Variants in PLEKHA1 observed in about 807,000 individuals in gnomAD.
PLEKHA1 encodes pleckstrin homology domain containing A1.
Under a neutral mutation model 52.0 loss-of-function variants are expected in PLEKHA1, and 34 were observed. That is an observed-to-expected ratio of 0.65 (90% confidence interval 0.50 to 0.87). The LOEUF (loss-of-function observed/expected upper bound fraction) is 0.87, where lower values mean the gene tolerates loss of function less well. Ranked by LOEUF, PLEKHA1 falls within the 40% of genes least tolerant of loss-of-function variation. The probability of loss-of-function intolerance (pLI) is 0.00; values close to 1 mark genes in which losing one functional copy is unlikely to be tolerated. For synonymous variants in PLEKHA1, 163 were observed against 170.7 expected (o/e 0.95, Z 0.35); for missense variants, 497 against 504.2 (o/e 0.99, Z 0.14).
In PLEKHA1 at chr10:122,424,936, A is replaced by T; in HGVS notation, c.787A>T (p.Thr263Ser). 6.2e-7 allele frequency: 1 copy of T among 1,610,414 alleles called. No homozygotes were observed. Among genetic ancestry groups the T allele is most frequent in the South Asian group, 1.1e-5 (1 of 90,358 alleles). ...GGACAACCTCTTTGAAATTGTAACA[A>T]CGTCTCGAACTTTCTATGTGCAGGT... is the stretch of plus-strand genomic sequence containing the variant. ...MRDNLFEIVT[T>S]SRTFYVQADS... The change falls in exon 10 of 12, where the codon ACG becomes TCG. Residue 263 changes from threonine (T) to serine (S), a missense_variant. By Grantham distance (58) the Thr-to-Ser change is moderately conservative (BLOSUM62 1). Transcript: ENST00000368990.
intron 5 of PLEKHA1, among the ~76,000 whole-genome samples, chr10:122,408,575 G>C (rs1191853300): frequency 6.6e-6 from 1 of 152,048 alleles, no homozygotes; most frequent in African/African-American, 2.4e-5. Context: ...TAATAAAGTG[G>C]TTATAACTGC....
intron 11 of PLEKHA1, 71 bp from the exon 12 acceptor site, chr10:122,429,553 C>G: frequency 7.5e-7 from 1 of 1,328,110 alleles, no homozygotes; most frequent in Non-Finnish European, 1.0e-6. Flanking sequence ...TTCAGAGAAT[C>G]AAGTCTCACA....
At chr10:122,412,320 T>G (rs2097116796) in intron 5 of PLEKHA1, 1 of 152,248 alleles carries the variant, frequency 6.6e-6, no homozygotes, top group Admixed American at 6.5e-5. Context: ...TTTGCTATTC[T>G]TTTTTCTGCT....
At chr10:122,399,644 G>A (rs1328361773) in intron 3 of PLEKHA1, among the ~76,000 whole-genome samples, 1 of 151,922 alleles carries the variant, frequency 6.6e-6, no homozygotes, top group East Asian at 1.9e-4. Context: ...GTGCAGTGGC[G>A]CGATCTCGGC....
At chr10:122,415,484 C>T (rs2097161085) in intron 6 of PLEKHA1, among the ~76,000 whole-genome samples, 2 of 152,188 alleles carry the variant, frequency 1.3e-5, no homozygotes, top group Admixed American at 1.3e-4. Flanking sequence ...GTGCCAATGT[C>T]CATTTCTTGT....
chr10:122,378,971 A>G (rs1172247733), intron 1 of PLEKHA1, among the ~76,000 whole-genome samples: 6 of 152,134 alleles, frequency 3.9e-5, no homozygotes, highest in Admixed American at 2.6e-4. Context: ...TGTCAAGAAG[A>G]GAAGTAGAAA....
chr10:122,413,379 T>G (rs1457376979), intron 6 of PLEKHA1, among the ~76,000 whole-genome samples: 1 of 152,084 alleles, frequency 6.6e-6, no homozygotes, highest in Non-Finnish European at 1.5e-5. Flanking sequence ...TTTTAATGAG[T>G]GCATAGTAGT....
intron 4 of PLEKHA1, among the ~76,000 whole-genome samples, chr10:122,401,122 C>T (rs1394191413): frequency 2.0e-5 from 3 of 152,116 alleles, no homozygotes; most frequent in Non-Finnish European, 4.4e-5. Flanking sequence ...GGACTACATG[C>T]AGAGGCTTGT....
At chr10:122,406,899 A>C (rs1275297456) in intron 5 of PLEKHA1, among the ~76,000 whole-genome samples, 2 of 152,220 alleles carry the variant, frequency 1.3e-5, no homozygotes, top group Non-Finnish European at 2.9e-5. Flanking sequence ...ATAAGGAGAT[A>C]TATTACTGCA....
At chr10:122,387,306 AC>A (rs1441236400) in intron 1 of PLEKHA1, 1 of 152,106 alleles carries the variant, frequency 6.6e-6, no homozygotes, top group East Asian at 1.9e-4. Context: ...TTTCAAAATC[AC>A]CTTTAGCTGC....
chr10:122,416,083 C>A, intron 7 of PLEKHA1, 81 bp downstream of exon 7: 1 of 1,438,180 alleles, frequency 7.0e-7, no homozygotes, highest in East Asian at 2.4e-5. Context: ...AAATTGTTTG[C>A]TTTATTTTAT....
At chr10:122,408,699 A>T (rs1373242542) in intron 5 of PLEKHA1, among the ~76,000 whole-genome samples, 6 of 152,138 alleles carry the variant, frequency 3.9e-5, no homozygotes, top group Admixed American at 1.3e-4. Context: ...AAGATGCTTT[A>T]TGTTAATTTT....
chr10:122,413,039 C>T lies in PLEKHA1; in HGVS notation c.462C>T (p.Pro154=), dbSNP rs367746872. The T allele has an allele frequency of 6.2e-6, 10 of 1,611,544 alleles. No homozygotes were observed. Among genetic ancestry groups the T allele is most frequent in the Non-Finnish European group, 8.5e-6 (10 of 1,178,478 alleles). ...DIVGGVPIIT[P]TQKEEVNECG... is the part of the protein sequence containing the mutation. The stretch of plus-strand genomic sequence containing the variant: ...TTGGTGGCGTACCCATCATTACTCC[C>T]ACTCAGGTAATTAAGTAACTCTTCT... Residue 154 remains proline (P), a synonymous_variant, in exon 6 of 12, where the codon CCC becomes CCT. Coordinates refer to ENST00000368990, the MANE Select transcript of PLEKHA1 (RefSeq NM_001001974.4).
chr10:122,397,951 A>T lies in PLEKHA1; in HGVS notation c.175A>T (p.Ile59Phe). The change falls in exon 3 of 12, where the codon ATT becomes TTT. Residue 59 changes from isoleucine to phenylalanine, a missense_variant. Physicochemically the swap from Ile to Phe is conservative, Grantham distance 21. Transcript: ENST00000368990. ...TTCTGGATCATCACGTGTTGGAGCC[A>T]TTAAGCTTACCTACATTTCAAAGGT... The part of the protein sequence containing the change: ...LPSGSSRVGA[I>F]KLTYISKVSD... 6.2e-7 allele frequency: 1 copy of T among 1,609,542 alleles called. No individual in the cohort carries two copies. Among genetic ancestry groups the T allele is most frequent in the Non-Finnish European group, 8.5e-7 (1 of 1,176,562 alleles).
chr10:122,400,625 T>A (rs1400856381), intron 4 of PLEKHA1, among the ~76,000 whole-genome samples: 1 of 152,238 alleles, frequency 6.6e-6, no homozygotes, highest in Non-Finnish European at 1.5e-5. Flanking sequence ...TACCCATATG[T>A]AACTGTTATT....
chr10:122,424,773 G>T, intron 9 of PLEKHA1, 123 bp from the exon 10 acceptor site: 1 of 563,512 alleles, frequency 1.8e-6, no homozygotes, highest in South Asian at 4.3e-5. Flanking sequence ...AGATAATTTG[G>T]GTTTGCTAAA....
chr10:122,431,275 C>CA lies in PLEKHA1; in HGVS notation c.*1338dup, dbSNP rs1002683815. On this transcript the variant is annotated 3_prime_UTR_variant, in exon 12 of 12. Coordinates refer to ENST00000368990, the MANE Select transcript of PLEKHA1 (RefSeq NM_001001974.4). ...AGCTAGGATTACAGGTGCATGCCAC[C>CA]ACACCTGGCTAATTTTTGTATTTTA... is the stretch of plus-strand genomic sequence containing the variant. 1 of 152,316 alleles carries CA rather than the reference C, an allele frequency of 6.6e-6. No homozygotes were observed. Among genetic ancestry groups the CA allele is most frequent in the African/African-American group, 2.4e-5 (1 of 41,392 alleles). The allele number at this position is 152,316 out of a possible 1,614,324, so 9.4% of individuals were successfully genotyped here.
At chr10:122,420,306 A>C (rs537716402) in intron 8 of PLEKHA1, 2 of 152,332 alleles carry the variant, frequency 1.3e-5, no homozygotes, top group African/African-American at 4.8e-5. Context: ...ATATATGATA[A>C]AAATGTTTAA....
intron 1 of PLEKHA1, chr10:122,392,351 C>G (rs1207849048): frequency 6.6e-6 from 1 of 151,562 alleles, no homozygotes; most frequent in Admixed American, 6.6e-5. Flanking sequence ...GCATGTTCCT[C>G]TGTGTTCTGC....
Sources: allele counts gnomAD v4.1 joint callset (sites outside exome capture counted in the v4.1 genomes callset), GRCh38; gene constraint gnomAD v4.1.1; transcripts MANE v1.5; gene names NCBI Gene and HGNC (gene_info 2026-07-23, HGNC 2026-07-21).